VAMP3: variants seen among roughly 807,000 people sequenced by gnomAD.
The protein encoded by VAMP3 is vesicle-associated membrane protein 3.
In VAMP3, 11 loss-of-function variants were observed where a neutral mutation model predicts 18.1. The observed-to-expected ratio is 0.61, with a 90% CI of 0.38 to 1.00. The LOEUF (loss-of-function observed/expected upper bound fraction) is 1.00. VAMP3 is among the 50% of genes least tolerant of loss of function. VAMP3 has a pLI of 0.01. For synonymous variants in VAMP3, 49 were observed against 43.1 expected (o/e 1.14, Z -0.53); for missense variants, 122 against 127.3 (o/e 0.96, Z 0.20).
At chr1:7,772,036 C>T (rs893686498) in intron 1 of VAMP3, among the ~76,000 whole-genome samples, 4 of 152,212 alleles carry the variant, frequency 2.6e-5, no homozygotes, top group Non-Finnish European at 5.9e-5. Context: ...GGGGACCCCC[C>T]TCGAATGTTC....
rs1334630651 is a variant in VAMP3 at position 7,781,190 on chromosome 1, T to C, written c.*1545T>C. On this transcript the variant is annotated 3_prime_UTR_variant, in exon 5 of 5. Transcript: ENST00000054666. Reference sequence around the variant, plus strand: ...AATGATTTACTGTTGAAGAGATGCCTTGCGGTGTGGCCAGCTGTGAGGAGA... The same window carrying C: ...AATGATTTACTGTTGAAGAGATGCCCTGCGGTGTGGCCAGCTGTGAGGAGA... The C allele has an allele frequency of 6.5e-6, 1 of 152,816 alleles. No homozygotes were observed. The highest frequency in any genetic ancestry group is 1.5e-5 in the Non-Finnish European group (1 of 68,062). The allele number at this position is 152,816 out of a possible 1,614,324, so 9.5% of individuals were successfully genotyped here. A position where few individuals can be genotyped will look rare whatever the true frequency, so the allele number is the denominator to read the frequency against.
intron 2 of VAMP3, among the ~76,000 whole-genome samples, chr1:7,775,422 A>G (rs754504195): frequency 1.5e-4 from 23 of 152,006 alleles, no homozygotes; most frequent in Non-Finnish European, 3.1e-4. Context: ...ATCTCAGCTC[A>G]CTGCAGCCTC....
At position 7,780,522 on chromosome 1, in the gene VAMP3, A is replaced by G. The variant is rs2097056572; in HGVS notation, c.*877A>G. On this transcript the variant is annotated 3_prime_UTR_variant, in exon 5 of 5. Transcript: ENST00000054666. ...CTCCCCTTCTGATTCAGTATTTTGC[A>G]TGGGGGTTAGAGAAGGTTTGAGGTA... The G allele has an allele frequency of 6.6e-6, 1 of 152,470 alleles. No homozygotes were observed. The allele number at this position is 152,470 out of a possible 1,614,324, so 9.4% of individuals were successfully genotyped here.
chr1:7,777,074 G>C (rs1402875481), intron 2 of VAMP3, 86 bp from the exon 3 acceptor site: 6 of 1,472,956 alleles, frequency 4.1e-6, no homozygotes, highest in Non-Finnish European at 5.4e-6. Flanking sequence ...GCCTCCCAAA[G>C]TGCTAGGATT....
At chr1:7,775,588 A>G (rs1273086345) in intron 2 of VAMP3, among the ~76,000 whole-genome samples, 1 of 152,180 alleles carries the variant, frequency 6.6e-6, no homozygotes, top group Non-Finnish European at 1.5e-5. Context: ...ATCTCAGGTG[A>G]TCCACCTGCC....
rs569834019 is a variant in VAMP3 at position 7,778,006 on chromosome 1, T to C, written c.232-112T>C. On this transcript the variant is annotated intron_variant, in intron 3 of 4. Coordinates refer to ENST00000054666, the MANE Select transcript of VAMP3 (RefSeq NM_004781.4). Reference sequence around the variant, plus strand: ...TTAGAAATTATTAATTACTCCAGACTGTATGCACCTGAATTTCCCTTTCAG... The same window carrying C: ...TTAGAAATTATTAATTACTCCAGACCGTATGCACCTGAATTTCCCTTTCAG... 6.2e-6 allele frequency: 7 copies of C among 1,135,498 alleles called. No individual in the cohort carries two copies. In the Admixed American group the frequency reaches 7.1e-5, roughly 12 times the overall value. The allele number at this position is 1,135,498 out of a possible 1,614,324, so 70.3% of individuals were successfully genotyped here.
Position 7,771,318 on chromosome 1 carries a change from C to A in VAMP3, c.-66C>A. The A allele has an allele frequency of 6.3e-7, 1 of 1,586,022 alleles. No individual in the cohort carries two copies. The highest frequency in any genetic ancestry group is 8.6e-7 in the Non-Finnish European group (1 of 1,169,034). On this transcript the variant is annotated 5_prime_UTR_variant, in exon 1 of 5. Transcript: ENST00000054666. Reference sequence around the variant, plus strand: ...GCCGTCCCACCCATCTCCCTGGCCTCCGGTCCCAACTTCGCTTCTCTGCTG... The same window carrying A: ...GCCGTCCCACCCATCTCCCTGGCCTACGGTCCCAACTTCGCTTCTCTGCTG...
Position 7,778,183 on chromosome 1 carries a change from T to C in VAMP3, c.283+14T>C. ...TCATCATCATCGGTGAGTTACCCTT[T>C]TCTAAACTGATTGGAAAAGTCTTCT... is the stretch of plus-strand genomic sequence containing the variant. On this transcript the variant is annotated intron_variant, in intron 4 of 4. Coordinates refer to ENST00000054666, the MANE Select transcript of VAMP3 (RefSeq NM_004781.4). The C allele has an allele frequency of 2.5e-6, 4 of 1,614,114 alleles. No homozygotes were observed. Among genetic ancestry groups the C allele is most frequent in the Non-Finnish European group, 3.4e-6 (4 of 1,179,970 alleles).
In VAMP3 at chr1:7,771,301, A is replaced by G. The variant is rs2097050194; in HGVS notation, c.-83A>G. The G allele has an allele frequency of 1.3e-6, 2 of 1,521,918 alleles. No homozygotes were observed. Among genetic ancestry groups the G allele is most frequent in the Non-Finnish European group, 1.8e-6 (2 of 1,130,828 alleles). The allele number at this position is 1,521,918 out of a possible 1,614,324, so 94.3% of individuals were successfully genotyped here. A position where few individuals can be genotyped will look rare whatever the true frequency, so the allele number is the denominator to read the frequency against. On this transcript the variant is annotated 5_prime_UTR_variant, in exon 1 of 5. Transcript: ENST00000054666. ...TCTTTGCCCCGCGCCGCGCCGTCCC[A>G]CCCATCTCCCTGGCCTCCGGTCCCA... is the stretch of plus-strand genomic sequence containing the variant.
rs1292473208 is a variant in VAMP3, at chr1:7,780,940, A to G, written c.*1295A>G. 6.6e-6 allele frequency: 1 copy of G among 152,622 alleles called. No individual in the cohort carries two copies. The highest frequency in any genetic ancestry group is 1.5e-5 in the Non-Finnish European group (1 of 68,046). The allele number at this position is 152,622 out of a possible 1,614,324, so 9.5% of individuals were successfully genotyped here. ...ACTTTTCTTGTATGCATGAGACTCAACATCAGGATCCACAGCTTAAAGATG... is the reference window on the plus strand; with the variant it reads ...ACTTTTCTTGTATGCATGAGACTCAGCATCAGGATCCACAGCTTAAAGATG... On this transcript the variant is annotated 3_prime_UTR_variant, in exon 5 of 5. Transcript: ENST00000054666.
rs2097056686 is a variant in VAMP3, at chr1:7,780,714, T to C, written c.*1069T>C. The C allele has an allele frequency of 6.6e-6, 1 of 152,354 alleles. No individual in the cohort carries two copies. The highest frequency in any genetic ancestry group is 2.4e-5 in the African/African-American group (1 of 41,452). 9.4% of individuals were successfully genotyped at this position (152,354 alleles called of 1,614,324 possible). A position where few individuals can be genotyped will look rare whatever the true frequency, so the allele number is the denominator to read the frequency against. On this transcript the variant is annotated 3_prime_UTR_variant, in exon 5 of 5. Transcript: ENST00000054666. ...CCCAAATATGAAGATAAACTATAAC[T>C]TTGGAGTTTGTTTCCTATTTGTATT...
chr1:7,778,053 A>C (rs697675), intron 3 of VAMP3, 65 bp from the exon 4 acceptor site: 227,041 of 1,546,438 alleles, frequency 0.15, 18,557 homozygotes, highest in African/African-American at 0.22. Context: ...ATATTATATA[A>C]TACTCTTCAA....
At position 7,776,066 on chromosome 1, in the gene VAMP3, C is replaced by T. The variant is rs117960258; in HGVS notation, c.73-1094C>T. Among the ~76,000 whole-genome samples the T allele has an allele frequency of 2.9e-3, 440 of 152,340 alleles. 9 individuals carry two copies. In the East Asian group the frequency reaches 0.05, roughly 17 times the overall value. On this transcript the variant is annotated intron_variant, in intron 2 of 4. Coordinates refer to ENST00000054666, the MANE Select transcript of VAMP3 (RefSeq NM_004781.4). Reference sequence around the variant, plus strand: ...TGCCAGTATCACACTGTTTTGATTACTGTAGCTTTGTAGTAAGTTTTGAAA... The same window carrying T: ...TGCCAGTATCACACTGTTTTGATTATTGTAGCTTTGTAGTAAGTTTTGAAA...
chr1:7,774,773 G>T (rs1357690350), intron 2 of VAMP3, among the ~76,000 whole-genome samples: 1 of 152,216 alleles, frequency 6.6e-6, no homozygotes, highest in Non-Finnish European at 1.5e-5. Context: ...TCCATTGTAT[G>T]TGTATACACA....
rs2150364428 is a variant in VAMP3, at chr1:7,771,302, C to T, written c.-82C>T. On this transcript the variant is annotated 5_prime_UTR_variant, in exon 1 of 5. Transcript: ENST00000054666. ...CTTTGCCCCGCGCCGCGCCGTCCCA[C>T]CCATCTCCCTGGCCTCCGGTCCCAA... The T allele has an allele frequency of 1.3e-6, 2 of 1,559,908 alleles. No homozygotes were observed. The highest frequency in any genetic ancestry group is 1.4e-5 in the African/African-American group (1 of 71,784).
rs960015834 is a variant in VAMP3 at position 7,771,309 on chromosome 1, C to T, written c.-75C>T. 3.8e-6 allele frequency: 6 copies of T among 1,572,624 alleles called. No homozygotes were observed. The highest frequency in any genetic ancestry group is 1.7e-5 in the Admixed American group (1 of 57,148). On this transcript the variant is annotated 5_prime_UTR_variant, in exon 1 of 5. Coordinates refer to ENST00000054666, the MANE Select transcript of VAMP3 (RefSeq NM_004781.4). ...CCGCGCCGCGCCGTCCCACCCATCT[C>T]CCTGGCCTCCGGTCCCAACTTCGCT...
At chr1:7,773,279 C>G (rs1447930406) in intron 1 of VAMP3, 163 bp from the exon 2 acceptor site, 3 of 596,246 alleles carry the variant, frequency 5.0e-6, no homozygotes, top group Non-Finnish European at 6.0e-6. Flanking sequence ...AGAAGAAATG[C>G]AATTAAAACT....
At chr1:7,779,583 C>T in intron 4 of VAMP3, 43 bp from the exon 5 acceptor site, 2 of 1,613,970 alleles carry the variant, frequency 1.2e-6, no homozygotes, top group Admixed American at 1.7e-5. Flanking sequence ...GAGAGACTAA[C>T]CTGCTGTTTC....
intron 1 of VAMP3, chr1:7,772,901 G>A (rs906378907): frequency 2.0e-5 from 3 of 152,396 alleles, no homozygotes; most frequent in African/African-American, 4.8e-5. Flanking sequence ...CAAAAGAGGG[G>A]GAAAAAGAAA....
Sources: gnomAD v4.1 joint callset for allele counts (sites outside exome capture counted in the v4.1 genomes callset) on GRCh38, gnomAD v4.1.1 for gene constraint, MANE v1.5 for transcripts, NCBI Gene and HGNC (gene_info 2026-07-23, HGNC 2026-07-21) for gene names.